Variants in CLEC12A observed in about 807,000 individuals in gnomAD.
The protein encoded by CLEC12A is C-type lectin domain family 12 member A, also known as C-type lectin protein CLL-1.
Under a neutral mutation model 26.5 loss-of-function variants are expected in CLEC12A, and 22 were observed. The observed-to-expected ratio is 0.83, with a 90% CI of 0.59 to 1.19. The LOEUF is 1.19. Ranked by LOEUF, CLEC12A falls within the 50% of genes most tolerant of loss-of-function variation. The pLI is 0.00. For missense variants in CLEC12A, 353 were observed against 315.6 expected, an observed-to-expected ratio of 1.12 and a Z score of -0.90; for synonymous variants, 119 against 101.9, an observed-to-expected ratio of 1.17 and a Z score of -1.01.
chr12:9,999,038 G>A (rs753747323), downstream of CLEC12A: 24 of 1,574,228 alleles, frequency 1.5e-5, no homozygotes, highest in Admixed American at 3.4e-5. Context: ...CATTCTTACC[G>A]GAGATGAGAG....
intron 1 of CLEC12A, among the ~76,000 whole-genome samples, chr12:9,958,724 C>T (rs1179334986): frequency 6.6e-6 from 1 of 152,160 alleles, no homozygotes; most frequent in African/African-American, 2.4e-5. Context: ...ACAAGTTTTA[C>T]CGGCAGTCTG....
downstream of CLEC12A, among the ~76,000 whole-genome samples, chr12:9,988,621 C>G (rs151001258): frequency 7.9e-5 from 12 of 152,340 alleles, no homozygotes; most frequent in African/African-American, 2.9e-4. Flanking sequence ...AAGTGCTCAT[C>G]ATCACTGGCC....
upstream of CLEC12A, among the ~76,000 whole-genome samples, chr12:9,968,732 T>G (rs549956441): frequency 4.6e-5 from 7 of 152,316 alleles, no homozygotes; most frequent in Non-Finnish European, 8.8e-5. Flanking sequence ...TAATGGATAA[T>G]GTATCACTTA....
Position 9,958,700 on chromosome 12 carries a change from C to G in CLEC12A, c.10+7344C>G, listed in dbSNP as rs988182490. 1.3e-5 allele frequency among the ~76,000 whole-genome samples: 2 copies of G among 152,282 alleles called. 1 individual carries two copies. The highest frequency in any genetic ancestry group is 4.1e-4 in the South Asian group (2 of 4,830). ...ATAATGAAGGAATTCTTAACAGGAC[C>G]AGATTAGGATTAAACAAGTTTTACC... On this transcript the variant is annotated intron_variant, in intron 1 of 6. Transcript: ENST00000355690.
chr12:9,999,497 G>T (rs963907617), downstream of CLEC12A, among the ~76,000 whole-genome samples: 7 of 152,068 alleles, frequency 4.6e-5, no homozygotes, highest in African/African-American at 1.7e-4. Context: ...AGAGATTTCT[G>T]CTGAAAATTC....
chr12:9,989,940 C>T (rs1383284010), downstream of CLEC12A, among the ~76,000 whole-genome samples: 1 of 152,052 alleles, frequency 6.6e-6, no homozygotes, highest in Non-Finnish European at 1.5e-5. Flanking sequence ...CCTGCCAATG[C>T]TCTATGAATG....
At chr12:9,959,117 T>G (rs527265821) in intron 1 of CLEC12A, among the ~76,000 whole-genome samples, 64 of 152,244 alleles carry the variant, frequency 4.2e-4, no homozygotes, top group African/African-American at 1.5e-3. Context: ...CTGGAAGAAA[T>G]AGCAGTCTGA....
chr12:9,958,386 C>A (rs953236501), intron 1 of CLEC12A, among the ~76,000 whole-genome samples: 3 of 152,182 alleles, frequency 2.0e-5, no homozygotes, highest in African/African-American at 7.2e-5. Context: ...GAACTATTTA[C>A]TCTGAGAAGG....
chr12:9,965,429 C>G (rs559418710), intron 1 of CLEC12A, among the ~76,000 whole-genome samples: 1 of 151,376 alleles, frequency 6.6e-6, no homozygotes, highest in Admixed American at 6.6e-5. Context: ...TGGGGGCTGT[C>G]TGTGAAGCCT....
chr12:9,998,957 A>G (rs1412452772), downstream of CLEC12A: 2 of 825,286 alleles, frequency 2.4e-6, no homozygotes, highest in Admixed American at 4.1e-5. Context: ...TATATATATT[A>G]TCAATAGTAG....
At chr12:9,991,609 T>C (rs1864894500) in intron 4 of CLEC12A, 1 of 152,150 alleles carries the variant, frequency 6.6e-6, no homozygotes, top group South Asian at 2.1e-4. Flanking sequence ...ATTTCTATTA[T>C]TTTTCCTAAG....
At chr12:9,976,327 A>G (rs1400018798) in intron 1 of CLEC12A, among the ~76,000 whole-genome samples, 1 of 152,338 alleles carries the variant, frequency 6.6e-6, no homozygotes, top group East Asian at 1.9e-4. Flanking sequence ...TTGCAAAGCC[A>G]CAGGAGCAGA....
At chr12:9,998,179 G>T, downstream of CLEC12A, 1 of 851,646 alleles carries the variant, frequency 1.2e-6, no homozygotes, top group African/African-American at 1.7e-5. Context: ...CTGTAGAAGT[G>T]ATAAACAGAC....
chr12:9,953,780 G>A (rs1591808087), intron 1 of CLEC12A, among the ~76,000 whole-genome samples: 1 of 152,226 alleles, frequency 6.6e-6, no homozygotes, highest in Non-Finnish European at 1.5e-5. Flanking sequence ...CGGGAAAGGT[G>A]GGGAAAAGAT....
chr12:9,964,785 G>A (rs1863900779), intron 1 of CLEC12A, among the ~76,000 whole-genome samples: 1 of 152,198 alleles, frequency 6.6e-6, no homozygotes, highest in Admixed American at 6.5e-5. Flanking sequence ...GCCTTTGCTG[G>A]TGTGTGGCGA....
At chr12:9,999,248 T>C (rs953663189), downstream of CLEC12A, 239 of 525,546 alleles carry the variant, frequency 4.5e-4, 2 homozygotes, top group Middle Eastern at 1.1e-3. Context: ...TTGTTTTCCT[T>C]TGCTTATTGT....
chr12:9,965,084 C>G (rs12229020), intron 1 of CLEC12A, among the ~76,000 whole-genome samples: 49,903 of 151,892 alleles, frequency 0.33, 8,879 homozygotes, highest in East Asian at 0.46. Context: ...ATTATGAGAA[C>G]CGTAGAGAAT....
At chr12:9,981,759 A>T (rs1864567812) in intron 4 of CLEC12A, among the ~76,000 whole-genome samples, 1 of 152,012 alleles carries the variant, frequency 6.6e-6, no homozygotes, top group African/African-American at 2.4e-5. Flanking sequence ...GTCATTGTGA[A>T]CTCTTCACTG....
In CLEC12A at chr12:9,982,073, TGAA is replaced by T. The variant is rs1007222556; in HGVS notation, c.591_593del (p.Glu197del). On this transcript the variant is annotated inframe_deletion, in exon 5 of 6. Transcript: ENST00000304361. Reference sequence around the variant, plus strand: ...ATGACTATTGGCTGGGATTATCTCCTGAAGAAGATTCCACTCGTGGTATGAGAG... The same window carrying T: ...ATGACTATTGGCTGGGATTATCTCCTGAAGATTCCACTCGTGGTATGAGAG... 9 of 1,602,100 alleles carry T rather than the reference TGAA, an allele frequency of 5.6e-6. No homozygotes were observed. The highest frequency in any genetic ancestry group is 7.7e-6 in the Non-Finnish European group (9 of 1,170,014).
Sources: gnomAD v4.1 joint callset for allele counts (sites outside exome capture counted in the v4.1 genomes callset) on GRCh38, gnomAD v4.1.1 for gene constraint, MANE v1.5 for transcripts, NCBI Gene and HGNC (gene_info 2026-07-23, HGNC 2026-07-21) for gene names.